N4BP2: variants seen among roughly 807,000 people sequenced by gnomAD.
The protein encoded by N4BP2 is NEDD4-binding protein 2.
N4BP2 carries 91 observed loss-of-function variants against 152.8 expected under a neutral mutation model. The ratio of observed to expected loss-of-function variants is 0.60; its 90% confidence interval spans 0.50 to 0.71. The LOEUF is 0.71. N4BP2 is among the 30% of genes least tolerant of loss of function. The probability of loss-of-function intolerance (pLI) is 0.00; values close to 1 mark genes in which losing one functional copy is unlikely to be tolerated. For missense variants in N4BP2, 1,923 were observed against 2,059.1 expected (o/e 0.93, Z 1.28); for synonymous variants, 646 against 705.3 (o/e 0.92, Z 1.33).
the N4BP2 span, among the ~76,000 whole-genome samples, chr4:40,178,050 C>A: frequency 4.6e-5 from 7 of 152,120 alleles, no homozygotes; most frequent in Non-Finnish European, 8.8e-5. Context: ...ATCCTAGCTA[C>A]TCAGGAGGCT....
At chr4:40,135,999 T>C (rs985105031) in intron 13 of N4BP2, among the ~76,000 whole-genome samples, 4 of 152,208 alleles carry the variant, frequency 2.6e-5, no homozygotes, top group African/African-American at 7.2e-5. Flanking sequence ...TCTTTAGATA[T>C]TGGAACGTGA....
intron 2 of N4BP2, among the ~76,000 whole-genome samples, chr4:40,073,916 C>T (rs1281037751): frequency 2.0e-5 from 3 of 152,172 alleles, no homozygotes; most frequent in African/African-American, 7.2e-5. Context: ...CCTCAGCCTC[C>T]CAAGTAGCTG....
chr4:40,102,037 A>G (rs1395572342), intron 3 of N4BP2, 38 bp from the exon 4 acceptor site: 3 of 1,258,398 alleles, frequency 2.4e-6, no homozygotes, highest in Non-Finnish European at 3.3e-6. Context: ...TTCTCTGTCT[A>G]TATTTTTGTT....
rs576153779 is a variant in N4BP2, at chr4:40,155,545, A to G, written c.*1308A>G. 1 of 152,246 alleles carries G rather than the reference A, an allele frequency of 6.6e-6. No homozygotes were observed. Among genetic ancestry groups the G allele is most frequent in the Non-Finnish European group, 1.5e-5 (1 of 68,028 alleles). The allele number at this position is 152,246 out of a possible 1,614,324, so 9.4% of individuals were successfully genotyped here. ...TTAACTTCTGTTGTTTGGTTAGCTA[A>G]TAAATTCTGTTAGTATGCAAGTTAA... On this transcript the variant is annotated 3_prime_UTR_variant, in exon 18 of 18. Transcript: ENST00000261435.
In N4BP2 at chr4:40,125,758, G is replaced by A. The variant is rs189418239; in HGVS notation, c.4331-376G>A. On this transcript the variant is annotated intron_variant, in intron 11 of 17. Transcript: ENST00000261435. ...AAAAACTAGCCAGGCATGGTGGCGG[G>A]CGCCTGTAATCCCAGCTACTTCGGA... 5.5e-3 allele frequency among the ~76,000 whole-genome samples: 830 copies of A among 152,086 alleles called. 8 individuals are homozygous for A. The highest frequency in any genetic ancestry group is 0.018 in the African/African-American group (764 of 41,486).
the N4BP2 span, among the ~76,000 whole-genome samples, chr4:40,177,081 A>C: frequency 6.6e-6 from 1 of 152,240 alleles, no homozygotes; most frequent in Non-Finnish European, 1.5e-5. Context: ...TGCAGCAGAC[A>C]GCAGTGGAAA....
At chr4:40,133,525 A>G (rs1261210671) in intron 13 of N4BP2, among the ~76,000 whole-genome samples, 5 of 151,966 alleles carry the variant, frequency 3.3e-5, no homozygotes, top group African/African-American at 7.2e-5. Flanking sequence ...TAGTAGAGAC[A>G]AGGTTTCACT....
chr4:40,070,012 C>T (rs1033333584), intron 1 of N4BP2, among the ~76,000 whole-genome samples: 9 of 152,166 alleles, frequency 5.9e-5, no homozygotes, highest in African/African-American at 2.2e-4. Context: ...TCTTTTCAAA[C>T]ATCTTAGAAG....
intron 9 of N4BP2, 61 bp downstream of exon 9, chr4:40,122,370 A>T (rs1718021244): frequency 8.5e-7 from 1 of 1,177,312 alleles, no homozygotes; most frequent in Non-Finnish European, 1.2e-6. Context: ...AGAGGGTTCT[A>T]TTTTGTATTT....
chr4:40,174,390 A>G, the N4BP2 span, among the ~76,000 whole-genome samples: 1 of 152,126 alleles, frequency 6.6e-6, no homozygotes, highest in Non-Finnish European at 1.5e-5. Context: ...TTCTAGGCAT[A>G]TACCCAAAGA....
rs115840916 is a variant in N4BP2, at chr4:40,107,450, C to G, written c.1498+426C>G. ...CCAGGCTGTAGTACAGTGGTGCAAT[C>G]TGGGTTCACTGCAACCTCTGCCTCC... is the stretch of plus-strand genomic sequence containing the variant. On this transcript the variant is annotated intron_variant, in intron 5 of 17. Transcript: ENST00000261435. 3.9e-3 allele frequency among the ~76,000 whole-genome samples: 584 copies of G among 151,684 alleles called. 5 individuals carry two copies. The highest frequency in any genetic ancestry group is 0.013 in the African/African-American group (538 of 41,334).
At chr4:40,179,389 A>T in the N4BP2 span, among the ~76,000 whole-genome samples, 1 of 152,206 alleles carries the variant, frequency 6.6e-6, no homozygotes, top group African/African-American at 2.4e-5. Context: ...ACAAACAAAC[A>T]AACGAAAAAC....
At chr4:40,093,126 T>G (rs1714771994) in intron 2 of N4BP2, among the ~76,000 whole-genome samples, 2 of 150,588 alleles carry the variant, frequency 1.3e-5, no homozygotes, top group African/African-American at 4.9e-5. Flanking sequence ...GTATTTTTAG[T>G]AGAGAAAGGG....
chr4:40,083,850 T>A (rs1713651297), intron 2 of N4BP2, among the ~76,000 whole-genome samples: 1 of 152,160 alleles, frequency 6.6e-6, no homozygotes, highest in Non-Finnish European at 1.5e-5. Flanking sequence ...TTAATAAAGC[T>A]GGTATAAGTA....
In N4BP2 at chr4:40,097,500, A is replaced by G. The variant is rs1459070841; in HGVS notation, c.160A>G (p.Ile54Val). 6.2e-7 allele frequency: 1 copy of G among 1,613,896 alleles called. No individual in the cohort carries two copies. The highest frequency in any genetic ancestry group is 8.5e-7 in the Non-Finnish European group (1 of 1,179,918). ...TGATCAGGAAGAACTCTTCACCAGT[A>G]TCTCAGAGATATTTTCTGATCTGGA... is the stretch of plus-strand genomic sequence containing the variant. ...KVDQEELFTS[I>V]SEIFSDLDPD... is the part of the protein sequence containing the mutation. The change falls in exon 3 of 18, where the codon ATC becomes GTC. Residue 54 changes from isoleucine to valine, a missense_variant. Coordinates refer to ENST00000261435, the MANE Select transcript of N4BP2 (RefSeq NM_018177.6).
chr4:40,083,514 A>G (rs1447057729), intron 2 of N4BP2, among the ~76,000 whole-genome samples: 16 of 152,242 alleles, frequency 1.1e-4, no homozygotes, highest in Admixed American at 1.0e-3. Context: ...TCGGTGAAGT[A>G]CCAATACAGG....
chr4:40,099,159 G>C (rs1314839515), intron 3 of N4BP2, among the ~76,000 whole-genome samples: 1 of 152,098 alleles, frequency 6.6e-6, no homozygotes, highest in Non-Finnish European at 1.5e-5. Context: ...CTACCAATGA[G>C]GTGTGCTGAC....
chr4:40,138,855 GT>G (rs374576486), intron 14 of N4BP2, among the ~76,000 whole-genome samples: 136 of 152,266 alleles, frequency 8.9e-4, no homozygotes, highest in Middle Eastern at 3.4e-3. Flanking sequence ...GGAAGTGTGA[GT>G]TTTCCAACTA....
chr4:40,148,024 G>A (rs1474217092), intron 16 of N4BP2, among the ~76,000 whole-genome samples: 2 of 149,152 alleles, frequency 1.3e-5, no homozygotes, highest in African/African-American at 5.0e-5. Flanking sequence ...CAGGCAGAGG[G>A]GCTCCTCACA....
Sources: gnomAD v4.1 joint callset for allele counts (sites outside exome capture counted in the v4.1 genomes callset) on GRCh38, gnomAD v4.1.1 for gene constraint, MANE v1.5 for transcripts, NCBI Gene and HGNC (gene_info 2026-07-23, HGNC 2026-07-21) for gene names.